ZNF608: variants seen among roughly 807,000 people sequenced by gnomAD.
The protein encoded by ZNF608 is zinc finger protein 608.
In ZNF608, 12 loss-of-function variants were observed where a neutral mutation model predicts 109.0. The observed-to-expected ratio is 0.11, with a 90% CI of 0.07 to 0.18. The LOEUF (loss-of-function observed/expected upper bound fraction) is 0.18. ZNF608 is among the 10% of genes least tolerant of loss of function. The pLI, the probability that ZNF608 is intolerant of heterozygous loss-of-function variation, is 1.00. For missense variants in ZNF608, 1,707 were observed against 1,879.3 expected, an observed-to-expected ratio of 0.91 and a Z score of 1.70; for synonymous variants, 732 against 717.4, an observed-to-expected ratio of 1.02 and a Z score of -0.33.
Position 124,695,629 on chromosome 5 carries a change from G to A in ZNF608, c.1162+5385C>T, listed in dbSNP as rs372408156. On this transcript the variant is annotated intron_variant, in intron 3 of 9. Coordinates refer to ENST00000513986, the MANE Select transcript of ZNF608 (RefSeq NM_020747.3). ...AAAATACAAAAAAAAATGAGCTGGT[G>A]TGGTGGTATGCACCTGTGGTCCCAG... Among the ~76,000 whole-genome samples the A allele has an allele frequency of 3.3e-5, 5 of 152,106 alleles. No homozygotes were observed. In the South Asian group the frequency reaches 1.0e-3, roughly 32 times the overall value.
In ZNF608 at chr5:124,643,607, A is replaced by G. The variant is rs754914986; in HGVS notation, c.4200T>C (p.Asn1400=). 41 of 1,614,194 alleles carry G rather than the reference A, an allele frequency of 2.5e-5. 2 individuals are homozygous for G. The South Asian group carries it at 4.2e-4, about 16-fold the overall frequency. ...MSGREETEKV[N]TSPSVNTKTT... ...TTTTCGTGTTGACGCTAGGGCTGGTATTGACTTTCTCTGTCTCTTCTCTCC... is the reference window on the plus strand; with the variant it reads ...TTTTCGTGTTGACGCTAGGGCTGGTGTTGACTTTCTCTGTCTCTTCTCTCC... The change falls in exon 7 of 10, where the codon AAT becomes AAC. Residue 1400 remains asparagine (N), a synonymous_variant. Transcript: ENST00000513986.
chr5:124,743,339 C>T (rs1749495985), intron 2 of ZNF608, among the ~76,000 whole-genome samples: 1 of 152,210 alleles, frequency 6.6e-6, no homozygotes, highest in African/African-American at 2.4e-5. Flanking sequence ...TCCAGCTCCC[C>T]AGTCAGGTAT....
chr5:124,727,143 G>A (rs1336247746), intron 2 of ZNF608, among the ~76,000 whole-genome samples: 1 of 152,166 alleles, frequency 6.6e-6, no homozygotes, highest in Non-Finnish European at 1.5e-5. Flanking sequence ...TTTGCAACAA[G>A]TGGGCAAATC....
At position 124,648,857 on chromosome 5, in the gene ZNF608, G is replaced by T; in HGVS notation, c.1527C>A (p.Asp509Glu). The T allele has an allele frequency of 6.2e-7, 1 of 1,614,070 alleles. No homozygotes were observed. The highest frequency in any genetic ancestry group is 8.5e-7 in the Non-Finnish European group (1 of 1,179,962). The change falls in exon 5 of 10, where the codon GAC (aspartate) becomes GAA (glutamate). Residue 509 changes from aspartate to glutamate, a missense_variant. Around this residue, in one of 7 missense-constraint regions of ZNF608, gnomAD observed 166 missense variants for 204.2 expected, o/e 0.81. Coordinates refer to ENST00000513986, the MANE Select transcript of ZNF608 (RefSeq NM_020747.3). The part of the protein sequence containing the change: ...KRKNKPPMEL[D>E]LNSSSEDNKP... ...TATTGTCCTCAGAGCTGGAGTTCAG[G>T]TCCAGCTCCATTGGAGGCTTGTTTT...
intron 2 of ZNF608, among the ~76,000 whole-genome samples, chr5:124,743,122 C>G (rs1384755971): frequency 6.6e-6 from 1 of 152,172 alleles, no homozygotes; most frequent in African/African-American, 2.4e-5. Context: ...TCGGGGCAGG[C>G]AGTTCTTCCA....
At chr5:124,722,013 T>C (rs562129510) in intron 2 of ZNF608, among the ~76,000 whole-genome samples, 77 of 134,922 alleles carry the variant, frequency 5.7e-4, no homozygotes, top group Non-Finnish European at 9.9e-4. Context: ...AGTCCCCCAA[T>C]TCCCAGTTCT....
intron 3 of ZNF608, among the ~76,000 whole-genome samples, chr5:124,684,786 C>T (rs1047920931): frequency 6.6e-6 from 1 of 152,176 alleles, no homozygotes; most frequent in Non-Finnish European, 1.5e-5. Context: ...TTACAGCAAT[C>T]ACGCCATTTT....
chr5:124,693,098 A>C (rs532282138), intron 3 of ZNF608, among the ~76,000 whole-genome samples: 2 of 152,216 alleles, frequency 1.3e-5, no homozygotes, highest in Non-Finnish European at 1.5e-5. Flanking sequence ...ACACCTCTGA[A>C]TACACACAGA....
At chr5:124,742,282 G>T (rs1162358119) in intron 2 of ZNF608, among the ~76,000 whole-genome samples, 2 of 152,180 alleles carry the variant, frequency 1.3e-5, no homozygotes, top group Admixed American at 1.3e-4. Flanking sequence ...CCGATTGCCA[G>T]CTAAACAAAA....
chr5:124,734,388 G>A lies in ZNF608; in HGVS notation c.906+9696C>T, dbSNP rs148665249. On this transcript the variant is annotated intron_variant, in intron 2 of 9. Transcript: ENST00000513986. ...CTCTAATATTTACATATAATCAGGG[G>A]GATCAACATCTTTGTTAAAAAAAAT... Among the ~76,000 whole-genome samples the A allele has an allele frequency of 8.8e-3, 1,333 of 152,166 alleles. 34 individuals are homozygous for A. The highest frequency in any genetic ancestry group is 0.031 in the African/African-American group (1,273 of 41,482).
intron 3 of ZNF608, among the ~76,000 whole-genome samples, chr5:124,667,091 C>T (rs1244936976): frequency 6.6e-6 from 1 of 152,056 alleles, no homozygotes; most frequent in Non-Finnish European, 1.5e-5. Flanking sequence ...ATTAGCAATT[C>T]AATTCAAAGT....
chr5:124,682,872 C>T (rs1752250500), intron 3 of ZNF608, among the ~76,000 whole-genome samples: 1 of 152,218 alleles, frequency 6.6e-6, no homozygotes, highest in African/African-American at 2.4e-5. Flanking sequence ...CCCCTAATGA[C>T]CACTGCCTCT....
In ZNF608 at chr5:124,655,307, T is replaced by C. The variant is rs141442165; in HGVS notation, c.1163-5610A>G. ...GGCAAATGCCTGATTTCCCAGTGGA[T>C]TGACATAATTCTGTTTGTATTGAGT... On this transcript the variant is annotated intron_variant, in intron 3 of 9. Coordinates refer to ENST00000513986, the MANE Select transcript of ZNF608 (RefSeq NM_020747.3). Among the ~76,000 whole-genome samples the C allele has an allele frequency of 1.3e-4, 20 of 152,356 alleles. No individual in the cohort carries two copies. In the East Asian group the frequency reaches 1.9e-3, roughly 15 times the overall value.
chr5:124,744,559 C>T lies in ZNF608; in HGVS notation c.431G>A (p.Gly144Glu), dbSNP rs761856959. Reference protein sequence around the residue: ...GKRQEVQGRPGEATGMNSALG... With the variant: ...GKRQEVQGRPEEATGMNSALG... ...CGCTGAATTCATGCCAGTTGCCTCT[C>T]CAGGGCGCCCTTGGACTTCCTGCCT... Residue 144 changes from glycine (G) to glutamate (E), a missense_variant, in exon 2 of 10, where the codon GGA becomes GAA. Gly to Glu is a moderately conservative substitution (Grantham distance 98). Transcript: ENST00000513986. This position sits in a 1 kb window ranked among gnomAD's most constrained non-coding sequence, Gnocchi z 4.5. The T allele has an allele frequency of 4.3e-6, 7 of 1,614,240 alleles. No homozygotes were observed. In the Admixed American group the frequency reaches 6.7e-5, roughly 15 times the overall value.
At chr5:124,702,216 G>C (rs1315497028) in intron 2 of ZNF608, among the ~76,000 whole-genome samples, 1 of 152,200 alleles carries the variant, frequency 6.6e-6, no homozygotes, top group African/African-American at 2.4e-5. Context: ...GACTGCTACA[G>C]ATAGCTTTGA....
chr5:124,695,589 A>G (rs1218126192), intron 3 of ZNF608, among the ~76,000 whole-genome samples: 2 of 151,494 alleles, frequency 1.3e-5, no homozygotes, highest in Non-Finnish European at 2.9e-5. Context: ...ACATGGCAAA[A>G]CCTCGTGTCT....
At chr5:124,671,398 G>T (rs1170352285) in intron 3 of ZNF608, among the ~76,000 whole-genome samples, 2 of 151,988 alleles carry the variant, frequency 1.3e-5, no homozygotes, top group Non-Finnish European at 2.9e-5. Flanking sequence ...ATATCCGAAA[G>T]GTCATTTGAA....
chr5:124,686,767 A>C lies in ZNF608; in HGVS notation c.1162+14247T>G, dbSNP rs114078562. On this transcript the variant is annotated intron_variant, in intron 3 of 9. Coordinates refer to ENST00000513986, the MANE Select transcript of ZNF608 (RefSeq NM_020747.3). Reference sequence around the variant, plus strand: ...TGAGTTACTTCAAAAGTTGTCTGTCAACATGGATATGAGGAAGACATCCAC... The same window carrying C: ...TGAGTTACTTCAAAAGTTGTCTGTCCACATGGATATGAGGAAGACATCCAC... 2.7e-3 allele frequency among the ~76,000 whole-genome samples: 408 copies of C among 152,368 alleles called. 3 individuals are homozygous for C. The highest frequency in any genetic ancestry group is 9.6e-3 in the African/African-American group (400 of 41,586).
In ZNF608 at chr5:124,640,627, C is replaced by T. The variant is rs544302790; in HGVS notation, c.4450+625G>A. ...AAGTTGTAAAGATGGTGCCACCACCCACCTACTATGAGATGACAAAGATGG... is the reference window on the plus strand; with the variant it reads ...AAGTTGTAAAGATGGTGCCACCACCTACCTACTATGAGATGACAAAGATGG... On this transcript the variant is annotated intron_variant, in intron 8 of 9. Transcript: ENST00000513986. 8.5e-5 allele frequency among the ~76,000 whole-genome samples: 13 copies of T among 152,342 alleles called. 1 individual carries two copies. The highest frequency in any genetic ancestry group is 8.5e-4 in the Admixed American group (13 of 15,308).
Sources: gnomAD v4.1 joint callset for allele counts (sites outside exome capture counted in the v4.1 genomes callset) on GRCh38, gnomAD v4.1.1 for gene constraint, gnomAD v4.1.1 regional missense constraint, Gnocchi (gnomAD v3.1) non-coding constraint, MANE v1.5 for transcripts, NCBI Gene and HGNC (gene_info 2026-07-23, HGNC 2026-07-21) for gene names.